The following AHI1 variants were observed in gnomAD, a reference collection of about 807,000 sequenced individuals.
AHI1 encodes the protein Abelson helper integration site 1.
A neutral mutation model predicts 149.3 loss-of-function variants in AHI1; 123 were observed. That is an observed-to-expected ratio of 0.82 (90% CI 0.71 to 0.96). The LOEUF is 0.96. Ranked by LOEUF, AHI1 falls within the 40% of genes least tolerant of loss-of-function variation. The probability of loss-of-function intolerance (pLI) is 0.00; values close to 1 mark genes in which losing one functional copy is unlikely to be tolerated. For synonymous variants in AHI1, 475 were observed against 459.8 expected, an observed-to-expected ratio of 1.03 and a Z score of -0.42; for missense variants, 1,439 against 1,422.7, an observed-to-expected ratio of 1.01 and a Z score of -0.18.
chr6:135,477,945 T>C (rs1186131928), intron 5 of AHI1, among the ~76,000 whole-genome samples: 1 of 151,842 alleles, frequency 6.6e-6, no homozygotes, highest in Non-Finnish European at 1.5e-5. Context: ...CTACAGGCAT[T>C]TGCCACCACA....
At chr6:135,347,629 G>T (rs1791432395) in intron 24 of AHI1, among the ~76,000 whole-genome samples, 1 of 152,172 alleles carries the variant, frequency 6.6e-6, no homozygotes, top group African/African-American at 2.4e-5. Context: ...ACAGTGCATA[G>T]TAGGTGCCCA....
At chr6:135,465,094 G>A (rs1045123873) in intron 7 of AHI1, among the ~76,000 whole-genome samples, 12 of 152,126 alleles carry the variant, frequency 7.9e-5, no homozygotes, top group Non-Finnish European at 1.5e-5. Flanking sequence ...TTTTGGCTGA[G>A]GGCTTTAGGG....
chr6:135,428,011 G>A (rs1784141643), intron 19 of AHI1, among the ~76,000 whole-genome samples: 1 of 151,046 alleles, frequency 6.6e-6, no homozygotes, highest in African/African-American at 2.4e-5. Context: ...AAAAAAACAA[G>A]GAAAAAATCA....
At chr6:135,361,645 TCACACACA>T (rs57786531) in intron 23 of AHI1, among the ~76,000 whole-genome samples, 17,253 of 133,782 alleles carry the variant, frequency 0.13, 1,146 homozygotes, top group Middle Eastern at 0.17. Context: ...AGGTATGGTT[TCACACACA>T]CACACACACA....
chr6:135,315,528 C>T (rs139980990), intron 26 of AHI1, among the ~76,000 whole-genome samples: 5 of 152,282 alleles, frequency 3.3e-5, no homozygotes, highest in Admixed American at 6.5e-5. Context: ...AGTCTCTCAA[C>T]CTCTTGTGTT....
intron 16 of AHI1, among the ~76,000 whole-genome samples, 196 bp downstream of exon 16, chr6:135,432,831 T>A (rs1410516185): frequency 1.3e-5 from 2 of 152,208 alleles, no homozygotes; most frequent in Non-Finnish European, 2.9e-5. Context: ...TGAATCTAAA[T>A]GTTTAAGAAT....
chr6:135,430,168 A>T (rs960008078), intron 17 of AHI1, among the ~76,000 whole-genome samples, 168 bp from the exon 18 acceptor site: 1 of 152,070 alleles, frequency 6.6e-6, no homozygotes, highest in African/African-American at 2.4e-5. Context: ...CTGAAAATAA[A>T]GCTGATGAAT....
intron 5 of AHI1, among the ~76,000 whole-genome samples, chr6:135,478,362 G>T (rs1793056116): frequency 6.6e-6 from 1 of 152,176 alleles, no homozygotes; most frequent in East Asian, 1.9e-4. Flanking sequence ...AAATGGAGAT[G>T]AAGAACTTAT....
intron 26 of AHI1, among the ~76,000 whole-genome samples, chr6:135,311,301 C>CAAAA (rs35950731): frequency 1.3e-4 from 10 of 79,906 alleles, no homozygotes; most frequent in African/African-American, 1.6e-4. Context: ...GACCCCGCCT[C>CAAAA]AAAAAAAAAA....
At chr6:135,449,560 C>T (rs551089077) in intron 11 of AHI1, among the ~76,000 whole-genome samples, 9 of 151,904 alleles carry the variant, frequency 5.9e-5, no homozygotes, top group East Asian at 1.9e-4. Flanking sequence ...ACTGAGTGCC[C>T]GGAAGGTATT....
chr6:135,291,974 A>G (rs1562441854), intron 27 of AHI1, among the ~76,000 whole-genome samples: 1 of 152,220 alleles, frequency 6.6e-6, no homozygotes. Flanking sequence ...CATCTAAAGG[A>G]GGCAGTCTAT....
chr6:135,343,001 A>G (rs1189518546), intron 24 of AHI1, among the ~76,000 whole-genome samples: 2 of 151,752 alleles, frequency 1.3e-5, no homozygotes, highest in African/African-American at 4.8e-5. Flanking sequence ...CTCTATTAGT[A>G]GAGTATGCAG....
At chr6:135,290,913 A>C (rs866491979) in intron 27 of AHI1, among the ~76,000 whole-genome samples, 22 of 146,258 alleles carry the variant, frequency 1.5e-4, no homozygotes, top group Non-Finnish European at 2.3e-4. Flanking sequence ...AACACACACA[A>C]ACACACACAC....
At chr6:135,326,240 T>C (rs1787664542) in intron 24 of AHI1, among the ~76,000 whole-genome samples, 3 of 152,150 alleles carry the variant, frequency 2.0e-5, no homozygotes, top group Admixed American at 2.0e-4. Flanking sequence ...AGGTAATTCA[T>C]GTTAAATGAA....
At chr6:135,343,556 A>G (rs1325625199) in intron 24 of AHI1, among the ~76,000 whole-genome samples, 1 of 151,832 alleles carries the variant, frequency 6.6e-6, no homozygotes, top group Non-Finnish European at 1.5e-5. Flanking sequence ...GATCAATGCA[A>G]AAAAATTCAG....
chr6:135,423,527 T>C (rs1360177422), intron 20 of AHI1, among the ~76,000 whole-genome samples: 1 of 152,180 alleles, frequency 6.6e-6, no homozygotes, highest in Non-Finnish European at 1.5e-5. Context: ...ACGTAGGCTA[T>C]CATTAATTAA....
At chr6:135,430,216 T>C (rs750188691) in intron 17 of AHI1, among the ~76,000 whole-genome samples, 1 of 151,962 alleles carries the variant, frequency 6.6e-6, no homozygotes. Flanking sequence ...CAAATGCACA[T>C]TTAATTAGTA....
chr6:135,428,745 T>C lies in AHI1; in HGVS notation c.2507A>G (p.Lys836Arg). 1 of 1,603,250 alleles carries C rather than the reference T, an allele frequency of 6.2e-7. No individual in the cohort carries two copies. The highest frequency in any genetic ancestry group is 1.1e-5 in the South Asian group (1 of 89,130). Residue 836 changes from lysine to arginine, a missense_variant, in exon 19 of 29, where the codon AAG (lysine) becomes AGG (arginine). Lys to Arg is a conservative substitution (Grantham distance 26, BLOSUM62 2). Coordinates refer to ENST00000265602, the MANE Select transcript of AHI1 (RefSeq NM_001134831.2). ...CCGATAATTTGCTGCTCCTACAAACTTCCTTGCTACTAATCTACAAGCAAA... is the reference window on the plus strand; with the variant it reads ...CCGATAATTTGCTGCTCCTACAAACCTCCTTGCTACTAATCTACAAGCAAA... ...IMDLRILVAR[K>R]FVGAANYREK... is the part of the protein sequence containing the mutation.
intron 26 of AHI1, among the ~76,000 whole-genome samples, chr6:135,312,313 G>A (rs1008612079): frequency 6.6e-6 from 1 of 152,082 alleles, no homozygotes; most frequent in Non-Finnish European, 1.5e-5. Flanking sequence ...AGGAGTTCGA[G>A]GCCAGCCTGG....
Sources: allele counts gnomAD v4.1 joint callset (sites outside exome capture counted in the v4.1 genomes callset), GRCh38; gene constraint gnomAD v4.1.1; transcripts MANE v1.5; gene names NCBI Gene and HGNC (gene_info 2026-07-23, HGNC 2026-07-21).